The following LRBA variants were observed in gnomAD, a reference collection of about 807,000 sequenced individuals.
LRBA encodes lipopolysaccharide-responsive and beige-like anchor protein.
LRBA carries 176 observed loss-of-function variants against 330.0 expected under a neutral mutation model. The observed-to-expected ratio is 0.53, with a 90% CI of 0.47 to 0.60. The LOEUF is 0.60. LRBA is among the 20% of genes least tolerant of loss of function. The pLI, the probability that LRBA is intolerant of heterozygous loss-of-function variation, is 0.00. For synonymous variants in LRBA, 1,230 were observed against 1,193.0 expected (o/e 1.03, Z -0.64); for missense variants, 3,259 against 3,444.8 (o/e 0.95, Z 1.35).
intron 51 of LRBA, among the ~76,000 whole-genome samples, chr4:150,312,738 T>G (rs1382211247): frequency 6.6e-6 from 1 of 152,088 alleles, no homozygotes. Flanking sequence ...ATAGATTACT[T>G]AATAATAAAC....
At chr4:150,625,365 G>A (rs1049419090) in intron 37 of LRBA, among the ~76,000 whole-genome samples, 4 of 152,134 alleles carry the variant, frequency 2.6e-5, no homozygotes, top group Non-Finnish European at 4.4e-5. Flanking sequence ...AAATAAAGCC[G>A]TATCTTCAAA....
At chr4:150,417,949 T>G (rs1196436780) in intron 46 of LRBA, among the ~76,000 whole-genome samples, 1 of 152,048 alleles carries the variant, frequency 6.6e-6, no homozygotes, top group Non-Finnish European at 1.5e-5. Context: ...TTCATTCAGG[T>G]TACTCAACAA....
At chr4:150,561,322 G>C (rs1050900509) in intron 40 of LRBA, among the ~76,000 whole-genome samples, 1 of 152,098 alleles carries the variant, frequency 6.6e-6, no homozygotes, top group Non-Finnish European at 1.5e-5. Context: ...TATGCAGAAT[G>C]ATGCTCCCTC....
At chr4:150,742,098 T>C (rs1159260913) in intron 35 of LRBA, among the ~76,000 whole-genome samples, 1 of 151,202 alleles carries the variant, frequency 6.6e-6, no homozygotes, top group African/African-American at 2.4e-5. Context: ...GTTGAGAACA[T>C]AGAGCGGGCA....
chr4:150,767,531 A>G (rs560711995), intron 34 of LRBA, among the ~76,000 whole-genome samples: 73 of 151,726 alleles, frequency 4.8e-4, no homozygotes, highest in African/African-American at 1.5e-3. Flanking sequence ...GGGCCAAGGC[A>G]GGCAGATCAC....
chr4:150,484,499 C>T (rs1016069589), intron 42 of LRBA, among the ~76,000 whole-genome samples: 6 of 151,710 alleles, frequency 4.0e-5, no homozygotes, highest in Admixed American at 6.6e-5. Context: ...TGTTCCCTCC[C>T]TTATTCTTAA....
chr4:150,588,861 G>A (rs1385952777), intron 39 of LRBA, among the ~76,000 whole-genome samples: 2 of 152,128 alleles, frequency 1.3e-5, no homozygotes, highest in East Asian at 1.9e-4. Context: ...GGGTTTCCAA[G>A]TGAATGAATT....
At chr4:150,874,354 C>G (rs1753772769) in intron 17 of LRBA, among the ~76,000 whole-genome samples, 1 of 152,150 alleles carries the variant, frequency 6.6e-6, no homozygotes, top group African/African-American at 2.4e-5. Flanking sequence ...CAGGGACCAA[C>G]AGCAGGATGC....
chr4:150,559,111 C>T lies in LRBA; in HGVS notation c.6330+28937G>A, dbSNP rs149990814. 7.2e-5 allele frequency among the ~76,000 whole-genome samples: 11 copies of T among 152,084 alleles called. No homozygotes were observed. In the East Asian group the frequency reaches 1.4e-3, roughly 19 times the overall value. On this transcript the variant is annotated intron_variant, in intron 40 of 56. Transcript: ENST00000651943. ...CCTGAATCCAATCATAAGGAAACATCGCACAAATCCAAATGAAGACTATTC... is the reference window on the plus strand; with the variant it reads ...CCTGAATCCAATCATAAGGAAACATTGCACAAATCCAAATGAAGACTATTC...
rs537209803 is a variant in LRBA at position 150,357,748 on chromosome 4, GC to G, written c.7195-7590del. On this transcript the variant is annotated intron_variant, in intron 47 of 56. Coordinates refer to ENST00000651943, the MANE Select transcript of LRBA (RefSeq NM_001364905.1). ...ATGTGTTTGCATTTTGCAAGCCTTT[GC>G]TCAGAAAATAATTCATAGAGCTTAC... Among the ~76,000 whole-genome samples the G allele has an allele frequency of 4.4e-4, 67 of 151,082 alleles. No individual in the cohort carries two copies. In the Middle Eastern group the frequency reaches 0.027, roughly 61 times the overall value.
intron 2 of LRBA, among the ~76,000 whole-genome samples, chr4:150,978,912 A>C (rs1740522728): frequency 6.6e-6 from 1 of 152,220 alleles, no homozygotes; most frequent in African/African-American, 2.4e-5. Context: ...TCAAAAGGAC[A>C]AATCTGAGAG....
intron 37 of LRBA, among the ~76,000 whole-genome samples, chr4:150,639,741 A>ATATATATATATATGTGTGTATG (rs1285724708): frequency 0.013 from 19 of 1,458 alleles, 6 homozygotes; most frequent in Admixed American, 0.024. Flanking sequence ...CCCCAAATAT[A>ATATATATATATATGTGTGTATG]TATATATATA....
At chr4:150,992,129 A>G (rs1355880832) in intron 2 of LRBA, among the ~76,000 whole-genome samples, 3 of 152,174 alleles carry the variant, frequency 2.0e-5, no homozygotes, top group African/African-American at 7.2e-5. Flanking sequence ...CAGCCTAGCC[A>G]ACATGGCGAA....
chr4:150,901,881 T>C (rs1350942565), intron 13 of LRBA, among the ~76,000 whole-genome samples: 1 of 152,212 alleles, frequency 6.6e-6, no homozygotes, highest in Non-Finnish European at 1.5e-5. Flanking sequence ...ATTGAGACAA[T>C]ACGACATGCC....
chr4:150,433,182 GAAT>G (rs1391789965), intron 46 of LRBA, among the ~76,000 whole-genome samples: 3 of 152,042 alleles, frequency 2.0e-5, no homozygotes, highest in African/African-American at 7.2e-5. Flanking sequence ...GATGAAACAA[GAAT>G]AATAAGAAAA....
chr4:150,706,070 T>A (rs1297053314), intron 36 of LRBA, among the ~76,000 whole-genome samples: 1 of 151,882 alleles, frequency 6.6e-6, no homozygotes, highest in East Asian at 1.9e-4. Flanking sequence ...ATGAAAACAC[T>A]CTTTTGAATC....
chr4:150,664,577 AG>A (rs1321690535), intron 37 of LRBA, among the ~76,000 whole-genome samples: 4 of 152,184 alleles, frequency 2.6e-5, no homozygotes, highest in African/African-American at 4.8e-5. Context: ...CTAAATCCTT[AG>A]CCCCTAAGCT....
At chr4:150,576,982 T>A (rs890709286) in intron 40 of LRBA, among the ~76,000 whole-genome samples, 29 of 151,918 alleles carry the variant, frequency 1.9e-4, no homozygotes, top group African/African-American at 7.0e-4. Flanking sequence ...AAGAATAACT[T>A]GTTTCAACAG....
rs769067221 is a variant in LRBA, at chr4:150,879,775, C to T, written c.2166-7020G>A. ...CAATTCCTTTTACAATATCCATGCTCAAGGATTGGAAGAATCAATATTATT... is the reference window on the plus strand; with the variant it reads ...CAATTCCTTTTACAATATCCATGCTTAAGGATTGGAAGAATCAATATTATT... On this transcript the variant is annotated intron_variant, in intron 17 of 56. Transcript: ENST00000651943. Among the ~76,000 whole-genome samples the T allele has an allele frequency of 3.3e-4, 50 of 152,176 alleles. 1 individual carries two copies. The highest frequency in any genetic ancestry group is 6.3e-4 in the Non-Finnish European group (43 of 68,036).
Sources: allele counts gnomAD v4.1 joint callset (sites outside exome capture counted in the v4.1 genomes callset), GRCh38; gene constraint gnomAD v4.1.1; transcripts MANE v1.5; gene names NCBI Gene and HGNC (gene_info 2026-07-23, HGNC 2026-07-21).